Variants in TRIM66 observed in about 807,000 individuals in gnomAD.
TRIM66 encodes the protein tripartite motif containing 66.
A neutral mutation model predicts 148.2 loss-of-function variants in TRIM66; 99 were observed. That is an observed-to-expected ratio of 0.67 (90% CI 0.57 to 0.79). The LOEUF (loss-of-function observed/expected upper bound fraction) is 0.79, where lower values mean the gene tolerates loss of function less well. Among genes scored for constraint, TRIM66 ranks in the 30% least tolerant of loss-of-function variants. The pLI is 0.00. For missense variants in TRIM66, 1,666 were observed against 1,697.9 expected (o/e 0.98, Z 0.33); for synonymous variants, 616 against 635.9 (o/e 0.97, Z 0.47).
chr11:8,613,734 G>A lies in TRIM66; in HGVS notation c.*4210C>T, dbSNP rs1259791922. On this transcript the variant is annotated 3_prime_UTR_variant, in exon 25 of 25. Coordinates refer to ENST00000646038, the MANE Select transcript of TRIM66 (RefSeq NM_001388022.1). The stretch of plus-strand genomic sequence containing the variant: ...TAGAGAATTAAATAGGAGCAAGAAT[G>A]GAGGGGTTGGGGAGAGTTACAGACA... 6.6e-6 allele frequency: 1 copy of A among 152,234 alleles called. No homozygotes were observed. Among genetic ancestry groups the A allele is most frequent in the Non-Finnish European group, 1.5e-5 (1 of 68,112 alleles). 9.4% of individuals were successfully genotyped at this position (152,234 alleles called of 1,614,324 possible).
At chr11:8,666,444 T>C (rs928354558) in intron 6 of TRIM66, among the ~76,000 whole-genome samples, 4 of 151,154 alleles carry the variant, frequency 2.6e-5, no homozygotes, top group Middle Eastern at 3.2e-3. Flanking sequence ...CATGTTTCCA[T>C]CTAACAGGCT....
chr11:8,669,163 C>T (rs929588730), intron 6 of TRIM66, among the ~76,000 whole-genome samples: 3 of 152,146 alleles, frequency 2.0e-5, no homozygotes, highest in African/African-American at 4.8e-5. Flanking sequence ...ATCATTTGGT[C>T]CAAAGCATAG....
intron 13 of TRIM66, 32 bp downstream of exon 13, chr11:8,642,977 G>A (rs1446186943): frequency 8.7e-6 from 13 of 1,494,994 alleles, no homozygotes; most frequent in African/African-American, 1.4e-5. Flanking sequence ...CCCACAGGGT[G>A]GGTAGGCCTG....
intron 1 of TRIM66, among the ~76,000 whole-genome samples, chr11:8,681,310 T>C (rs2039412250): frequency 6.6e-6 from 1 of 151,962 alleles, no homozygotes. Context: ...ATTTTTTGTA[T>C]TTTTAGTAGA....
intron 15 of TRIM66, among the ~76,000 whole-genome samples, chr11:8,629,197 T>G (rs531877353): frequency 4.6e-5 from 7 of 152,356 alleles, no homozygotes; most frequent in African/African-American, 1.7e-4. Context: ...GTCCTGGTTA[T>G]GCACTACCAT....
Position 8,614,558 on chromosome 11 carries a change from T to C in TRIM66, c.*3386A>G, listed in dbSNP as rs10769931. The C allele has an allele frequency of 0.6, 90,812 of 152,126 alleles. 27,383 individuals are homozygous for C. The highest frequency in any genetic ancestry group is 0.64 in the Non-Finnish European group (43,286 of 68,158). 9.4% of individuals were successfully genotyped at this position (152,126 alleles called of 1,614,324 possible). A position where few individuals can be genotyped will look rare whatever the true frequency, so the allele number is the denominator to read the frequency against. ...GGGCAATTTTAGCAGTACTGAGGGA[T>C]GGAGAAGAAGCCCAGGAAGGGGTGA... On this transcript the variant is annotated 3_prime_UTR_variant, in exon 25 of 25. Coordinates refer to ENST00000646038, the MANE Select transcript of TRIM66 (RefSeq NM_001388022.1).
Position 8,640,693 on chromosome 11 carries a change from G to T in TRIM66, c.1682C>A (p.Pro561Gln), listed in dbSNP as rs375697574. 1.5e-5 allele frequency: 24 copies of T among 1,551,492 alleles called. No individual in the cohort carries two copies. The highest frequency in any genetic ancestry group is 4.8e-5 in the South Asian group (4 of 84,068). The change falls in exon 14 of 25, where the codon CCA becomes CAA. Residue 561 changes from proline to glutamine, a missense_variant. By Grantham distance (76) the Pro-to-Gln change is moderately conservative. Coordinates refer to ENST00000646038, the MANE Select transcript of TRIM66 (RefSeq NM_001388022.1). Reference sequence around the variant, plus strand: ...ATGGGCTCCTTGCTGAACATCCTGTGGGGGGACAATGCACACGGGCTGGGA... The same window carrying T: ...ATGGGCTCCTTGCTGAACATCCTGTTGGGGGACAATGCACACGGGCTGGGA... ...LTSQPVCIVP[P>Q]QDVQQGAHAQ...
chr11:8,651,985 C>T lies in TRIM66; in HGVS notation c.341-82G>A, dbSNP rs916510911. 8 of 1,119,828 alleles carry T rather than the reference C, an allele frequency of 7.1e-6. No individual in the cohort carries two copies. The African/African-American group carries it at 1.3e-4, about 18-fold the overall frequency. The allele number at this position is 1,119,828 out of a possible 1,614,324, so 69.4% of individuals were successfully genotyped here. A position where few individuals can be genotyped will look rare whatever the true frequency, so the allele number is the denominator to read the frequency against. On this transcript the variant is annotated intron_variant, in intron 6 of 24. Coordinates refer to ENST00000646038, the MANE Select transcript of TRIM66 (RefSeq NM_001388022.1). ...CCTGGACATAAGGCTTTCTAATACA[C>T]AACACCAAGATACATGGCAATACCC... is the stretch of plus-strand genomic sequence containing the variant.
Position 8,643,099 on chromosome 11 carries a change from C to G in TRIM66, c.1132G>C (p.Glu378Gln). The change falls in exon 13 of 25, where the codon GAG (glutamate) becomes CAG (glutamine). Residue 378 changes from glutamate to glutamine, a missense_variant. Glu to Gln is a conservative substitution (Grantham distance 29). Around this residue, in one of 3 missense-constraint regions of TRIM66, gnomAD observed 1,431 missense variants for 1,412.4 expected, o/e 1.01. Coordinates refer to ENST00000646038, the MANE Select transcript of TRIM66 (RefSeq NM_001388022.1). ...LIVFQMQRLL[E>Q]TSCNTDPGSP... is the part of the protein sequence containing the mutation. ...CCAGGATCTGTGTTACAACTTGTCT[C>G]CAGCAATCGCTGCATCTGAAACACA... The G allele has an allele frequency of 6.4e-7, 1 of 1,550,972 alleles. No homozygotes were observed. Among genetic ancestry groups the G allele is most frequent in the Non-Finnish European group, 8.7e-7 (1 of 1,146,736 alleles).
chr11:8,642,346 C>T (rs1283767597), intron 13 of TRIM66, among the ~76,000 whole-genome samples: 1 of 152,214 alleles, frequency 6.6e-6, no homozygotes, highest in Non-Finnish European at 1.5e-5. Context: ...TCATTTGTCA[C>T]TTTGCCAAGT....
At chr11:8,639,630 C>T (rs2036193792) in intron 14 of TRIM66, among the ~76,000 whole-genome samples, 1 of 152,210 alleles carries the variant, frequency 6.6e-6, no homozygotes, top group African/African-American at 2.4e-5. Flanking sequence ...CTAGCTCCCA[C>T]TTATATACCT....
chr11:8,618,921 A>T lies in TRIM66; in HGVS notation c.3948T>A (p.Phe1316Leu). 2 of 1,551,364 alleles carry T rather than the reference A, an allele frequency of 1.3e-6. No homozygotes were observed. Among genetic ancestry groups the T allele is most frequent in the Non-Finnish European group, 1.7e-6 (2 of 1,146,946 alleles). Residue 1316 changes from phenylalanine to leucine, a missense_variant, in exon 24 of 25, where the codon TTT becomes TTA. Phe to Leu is a conservative substitution (Grantham distance 22). This residue lies in a region of TRIM66 where 204 missense variants were observed against 231.0 expected (regional missense o/e 0.88). Coordinates refer to ENST00000646038, the MANE Select transcript of TRIM66 (RefSeq NM_001388022.1). ...AEAGRCLEVF[F>L]EGWLKEIYPE... ...GGTAGATCTCCTTCAACCAGCCCTCAAAGAACACTTCCAGGCAGCGGCCAG... is the reference window on the plus strand; with the variant it reads ...GGTAGATCTCCTTCAACCAGCCCTCTAAGAACACTTCCAGGCAGCGGCCAG...
Position 8,624,942 on chromosome 11 carries a change from G to A in TRIM66, c.2597C>T (p.Ser866Phe), listed in dbSNP as rs772243501. 9.0e-6 allele frequency: 14 copies of A among 1,551,722 alleles called. No homozygotes were observed. In the South Asian group the frequency reaches 1.7e-4, roughly 18 times the overall value. ...TGCCAGGCTTGCCATAGCCTGAGGG[G>A]AGTCACTTATCAGGTTGGGCATGGA... Reference protein sequence around the residue: ...FQSMPNLISDSPQAMASLASD... With the variant: ...FQSMPNLISDFPQAMASLASD... The change falls in exon 16 of 25, where the codon TCC becomes TTC. Residue 866 changes from serine (S) to phenylalanine (F), a missense_variant. Physicochemically the swap from Ser to Phe is radical, Grantham distance 155 (BLOSUM62 -2). This residue lies in a region of TRIM66 where 1,431 missense variants were observed against 1,412.4 expected (regional missense o/e 1.01). Transcript: ENST00000646038.
chr11:8,644,441 A>AG (rs753636869), intron 12 of TRIM66: 8 of 454,086 alleles, frequency 1.8e-5, no homozygotes, highest in Non-Finnish European at 3.1e-5. Flanking sequence ...TATTTCACAG[A>AG]GAAAAAAAAG....
At chr11:8,682,687 G>A, upstream of TRIM66, 1 of 1,125,140 alleles carries the variant, frequency 8.9e-7, no homozygotes, top group African/African-American at 1.6e-5. Flanking sequence ...GCGCAATCCC[G>A]CGAGACCAGG....
Position 8,618,974 on chromosome 11 carries a change from G to A in TRIM66, c.3901-6C>T, listed in dbSNP as rs117764643. On this transcript the variant is annotated splice_polypyrimidine_tract_variant and splice_region_variant and intron_variant, in intron 23 of 24. Transcript: ENST00000646038. ...TCTGCAACCTCGGAGTCAGGCTGAT[G>A]GGGGAGGAGAGCAGTGATGGTCTAG... 1.2e-4 allele frequency: 184 copies of A among 1,550,738 alleles called. 4 individuals carry two copies. The South Asian group carries it at 1.6e-3, about 14-fold the overall frequency.
chr11:8,683,228 A>G (rs1490508974), upstream of TRIM66: 1 of 1,614,204 alleles, frequency 6.2e-7, no homozygotes, highest in South Asian at 1.1e-5. Flanking sequence ...AGACCCGGAA[A>G]CTTAGGGGCC....
chr11:8,666,699 G>C (rs1412843350), intron 6 of TRIM66, among the ~76,000 whole-genome samples: 1 of 152,146 alleles, frequency 6.6e-6, no homozygotes, highest in African/African-American at 2.4e-5. Context: ...AGTAATGGCA[G>C]GCAGATCAGG....
At chr11:8,622,707 G>T in intron 18 of TRIM66, 109 bp downstream of exon 18, 1 of 1,043,616 alleles carries the variant, frequency 9.6e-7, no homozygotes, top group Non-Finnish European at 1.4e-6. Flanking sequence ...GCAGTTGCAG[G>T]CAAATTTCTT....
Sources: gnomAD v4.1 joint callset for allele counts (sites outside exome capture counted in the v4.1 genomes callset) on GRCh38, gnomAD v4.1.1 for gene constraint, gnomAD v4.1.1 regional missense constraint, MANE v1.5 for transcripts, NCBI Gene and HGNC (gene_info 2026-07-23, HGNC 2026-07-21) for gene names.